Variants in SNTG1 observed in about 807,000 individuals in gnomAD.
SNTG1 encodes the protein syntrophin gamma 1.
SNTG1 carries 39 observed loss-of-function variants against 74.7 expected under a neutral mutation model. That is an observed-to-expected ratio of 0.52 (90% confidence interval 0.40 to 0.68). The LOEUF (loss-of-function observed/expected upper bound fraction) is 0.68. Ranked by LOEUF, SNTG1 falls within the 30% of genes least tolerant of loss-of-function variation. The probability of loss-of-function intolerance (pLI) is 0.00; values close to 1 mark genes in which losing one functional copy is unlikely to be tolerated. For synonymous variants in SNTG1, 254 were observed against 217.1 expected (o/e 1.17, Z -1.49); for missense variants, 685 against 609.5 (o/e 1.12, Z -1.30).
At chr8:50,532,997 G>A (rs1467949258) in intron 10 of SNTG1, among the ~76,000 whole-genome samples, 4 of 152,042 alleles carry the variant, frequency 2.6e-5, no homozygotes, top group African/African-American at 9.7e-5. Context: ...ATTCTAAGGG[G>A]AAATAAAGGC....
At chr8:50,268,636 C>T (rs1003118382) in intron 2 of SNTG1, among the ~76,000 whole-genome samples, 10 of 149,490 alleles carry the variant, frequency 6.7e-5, no homozygotes, top group African/African-American at 2.4e-4. Context: ...AATACGTATA[C>T]ATACTCATAC....
intron 11 of SNTG1, among the ~76,000 whole-genome samples, chr8:50,539,114 A>G (rs1223773488): frequency 6.6e-6 from 1 of 152,138 alleles, no homozygotes; most frequent in Non-Finnish European, 1.5e-5. Context: ...TAGGATGGTT[A>G]CTGTAAAATC....
In SNTG1 at chr8:50,356,054, T is replaced by C. The variant is rs376306861; in HGVS notation, c.-27-38158T>C. 1.2e-4 allele frequency among the ~76,000 whole-genome samples: 18 copies of C among 152,310 alleles called. No homozygotes were observed. In the East Asian group the frequency reaches 2.3e-3, roughly 20 times the overall value. Reference sequence around the variant, plus strand: ...CTTCCTTTTTTTGTTTGTTTTTGTTTTTTGTCTGTCTTTCAGCATTTTGGG... The same window carrying C: ...CTTCCTTTTTTTGTTTGTTTTTGTTCTTTGTCTGTCTTTCAGCATTTTGGG... On this transcript the variant is annotated intron_variant, in intron 2 of 18. Coordinates refer to ENST00000642720, the MANE Select transcript of SNTG1 (RefSeq NM_018967.5).
In SNTG1 at chr8:50,791,844, T is replaced by C. The variant is rs528920797; in HGVS notation, c.1396-827T>C. Among the ~76,000 whole-genome samples, 4 of 151,982 alleles carry C rather than the reference T, an allele frequency of 2.6e-5. No homozygotes were observed. The South Asian group carries it at 8.3e-4, about 31-fold the overall frequency. The stretch of plus-strand genomic sequence containing the variant: ...AAATTAAGACATGTTTATGTGATTA[T>C]TGATGGTCTTTAATAATAATACTAG... On this transcript the variant is annotated intron_variant, in intron 18 of 18. Transcript: ENST00000642720.
chr8:49,961,169 C>A (rs6988557), intron 1 of SNTG1, among the ~76,000 whole-genome samples: 1,735 of 152,232 alleles, frequency 0.011, 29 homozygotes, highest in African/African-American at 0.038. Flanking sequence ...ATAAACATAG[C>A]TGGACTATTT....
At chr8:50,167,642 A>T (rs986190184) in intron 1 of SNTG1, among the ~76,000 whole-genome samples, 4 of 151,434 alleles carry the variant, frequency 2.6e-5, no homozygotes, top group African/African-American at 9.7e-5. Context: ...ACGAAAAAAA[A>T]AAAAAATACA....
chr8:50,736,221 C>A (rs1364063829), intron 17 of SNTG1, among the ~76,000 whole-genome samples: 1 of 151,744 alleles, frequency 6.6e-6, no homozygotes, highest in African/African-American at 2.4e-5. Context: ...AACTAATGGG[C>A]AAAATAACCA....
chr8:50,098,763 T>A (rs187221441), intron 1 of SNTG1, among the ~76,000 whole-genome samples: 5 of 152,314 alleles, frequency 3.3e-5, no homozygotes, highest in South Asian at 4.1e-4. Flanking sequence ...CATATAATTT[T>A]GCAAGTGATT....
At chr8:50,659,486 T>G (rs1023399509) in intron 15 of SNTG1, among the ~76,000 whole-genome samples, 1 of 152,184 alleles carries the variant, frequency 6.6e-6, no homozygotes, top group Non-Finnish European at 1.5e-5. Context: ...AGAAAAATGC[T>G]GAAACATTTA....
chr8:49,927,851 C>T (rs1807170101), intron 1 of SNTG1, among the ~76,000 whole-genome samples: 1 of 152,096 alleles, frequency 6.6e-6, no homozygotes, highest in South Asian at 2.1e-4. Context: ...GGAGTGGTGG[C>T]TCAAGCCTGT....
At chr8:50,197,937 C>T (rs1368348309) in intron 2 of SNTG1, among the ~76,000 whole-genome samples, 3 of 152,054 alleles carry the variant, frequency 2.0e-5, no homozygotes, top group Non-Finnish European at 4.4e-5. Context: ...TACAATTTAA[C>T]AATTCTAAGA....
At chr8:50,178,344 T>C (rs1458723775) in intron 2 of SNTG1, among the ~76,000 whole-genome samples, 1 of 149,406 alleles carries the variant, frequency 6.7e-6, no homozygotes, top group Non-Finnish European at 1.5e-5. Context: ...CTTCTTCTGG[T>C]CTCTTCCTCC....
intron 1 of SNTG1, among the ~76,000 whole-genome samples, chr8:50,001,925 G>A (rs144169550): frequency 6.6e-6 from 1 of 152,272 alleles, no homozygotes; most frequent in Admixed American, 6.5e-5. Context: ...AATAAGCTTA[G>A]AGAAAGAAAG....
At chr8:50,686,238 G>A (rs1186558105) in intron 15 of SNTG1, among the ~76,000 whole-genome samples, 2 of 152,078 alleles carry the variant, frequency 1.3e-5, no homozygotes, top group African/African-American at 2.4e-5. Context: ...AATTCTTAAC[G>A]AGATAAAAGG....
intron 18 of SNTG1, among the ~76,000 whole-genome samples, chr8:50,776,259 T>C (rs2095640473): frequency 6.6e-6 from 1 of 150,772 alleles, no homozygotes; most frequent in African/African-American, 2.4e-5. Flanking sequence ...CTTCAACATA[T>C]ACTGTTCTTA....
At chr8:50,397,449 G>C (rs137980320) in intron 3 of SNTG1, among the ~76,000 whole-genome samples, 1 of 152,072 alleles carries the variant, frequency 6.6e-6, no homozygotes, top group Admixed American at 6.6e-5. Flanking sequence ...CCCATGATTC[G>C]GTCTCTCATT....
At chr8:50,544,568 G>T (rs1171236665) in intron 11 of SNTG1, among the ~76,000 whole-genome samples, 1 of 151,966 alleles carries the variant, frequency 6.6e-6, no homozygotes, top group African/African-American at 2.4e-5. Flanking sequence ...TTTAGCTAGA[G>T]AAATTTCTGA....
At chr8:50,602,558 A>G (rs1054044731) in intron 13 of SNTG1, among the ~76,000 whole-genome samples, 12 of 152,154 alleles carry the variant, frequency 7.9e-5, no homozygotes, top group Non-Finnish European at 1.5e-4. Flanking sequence ...ACAGTGTTAT[A>G]ATAGTTTGTG....
intron 1 of SNTG1, among the ~76,000 whole-genome samples, chr8:50,114,892 T>G (rs542520363): frequency 3.3e-5 from 5 of 151,954 alleles, no homozygotes; most frequent in Non-Finnish European, 5.9e-5. Context: ...TATGAACAAG[T>G]TCTGGGGGAT....
Sources: gnomAD v4.1 joint callset for allele counts (sites outside exome capture counted in the v4.1 genomes callset) on GRCh38, gnomAD v4.1.1 for gene constraint, MANE v1.5 for transcripts, NCBI Gene and HGNC (gene_info 2026-07-23, HGNC 2026-07-21) for gene names.